GRIP2: variants seen among roughly 807,000 people sequenced by gnomAD.
GRIP2 encodes the protein glutamate receptor interacting protein 2, also known as glutamate receptor-interacting protein 2.
GRIP2 carries 58 observed loss-of-function variants against 108.3 expected under a neutral mutation model. That is an observed-to-expected ratio of 0.54 (90% CI 0.43 to 0.67). The LOEUF (loss-of-function observed/expected upper bound fraction) is 0.67, where lower values mean the gene tolerates loss of function less well. Ranked by LOEUF, GRIP2 falls within the 30% of genes least tolerant of loss-of-function variation. GRIP2 has a pLI of 0.00. For missense variants in GRIP2, 1,278 were observed against 1,430.6 expected, an observed-to-expected ratio of 0.89 and a Z score of 1.72; for synonymous variants, 586 against 598.2, an observed-to-expected ratio of 0.98 and a Z score of 0.30.
Position 14,505,525 on chromosome 3 carries a change from A to G in GRIP2, c.2573+90T>C, listed in dbSNP as rs559201386. ...CCTCAGGAGCCCGCCAAGACTCTCCATTCCCCCACCACTTTGGCACAGGCA... is the reference window on the plus strand; with the variant it reads ...CCTCAGGAGCCCGCCAAGACTCTCCGTTCCCCCACCACTTTGGCACAGGCA... On this transcript the variant is annotated intron_variant, in intron 20 of 23. Transcript: ENST00000621039. The surrounding 1 kb of genome is among the most constrained non-coding windows in gnomAD (Gnocchi z 4.2). 194 of 1,419,148 alleles carry G rather than the reference A, an allele frequency of 1.4e-4. 1 individual carries two copies. In the African/African-American group the frequency reaches 2.6e-3, roughly 19 times the overall value. The allele number at this position is 1,419,148 out of a possible 1,614,324, so 87.9% of individuals were successfully genotyped here. A position where few individuals can be genotyped will look rare whatever the true frequency, so the allele number is the denominator to read the frequency against.
chr3:14,523,672 A>G lies in GRIP2; in HGVS notation c.430T>C (p.Ser144Pro). The part of the protein sequence containing the change: ...PAPENNPRII[S>P]KTVDVSLYKE... The stretch of plus-strand genomic sequence containing the variant: ...TAGAGGGAGACGTCCACTGTCTTTG[A>G]AATGATCCTGGGGTTATTCTCAGGA... The change falls in exon 5 of 24, where the codon TCA becomes CCA. Residue 144 changes from serine to proline, a missense_variant. Physicochemically the swap from Ser to Pro is moderately conservative, Grantham distance 74 (BLOSUM62 -1). Coordinates refer to ENST00000621039, the MANE Select transcript of GRIP2 (RefSeq NM_001080423.4). 1 of 1,611,992 alleles carries G rather than the reference A, an allele frequency of 6.2e-7. No individual in the cohort carries two copies. Among genetic ancestry groups the G allele is most frequent in the Non-Finnish European group, 8.5e-7 (1 of 1,179,142 alleles).
Position 14,513,683 on chromosome 3 carries a change from C to T in GRIP2, c.1621G>A (p.Val541Met). ...AALAHKVVLE[V>M]EFDVAESVIP... The stretch of plus-strand genomic sequence containing the variant: ...CACTCACCCGCCACATCGAACTCCA[C>T]CTCCAGCACGACCTTGTGGGCCAGT... The change falls in exon 13 of 24, where the codon GTG becomes ATG. Residue 541 changes from valine to methionine, a missense_variant. Transcript: ENST00000621039. 6.2e-7 allele frequency: 1 copy of T among 1,610,564 alleles called. No homozygotes were observed. The highest frequency in any genetic ancestry group is 8.5e-7 in the Non-Finnish European group (1 of 1,178,624).
At position 14,491,110 on chromosome 3, in the gene GRIP2, T is replaced by C. The variant is rs1209135991; in HGVS notation, c.*2555A>G. ...AGCAGGTGAGATGTCACCAGACCCA[T>C]ACAGAAGCTGACTCTTGCCAATCCA... On this transcript the variant is annotated 3_prime_UTR_variant, in exon 24 of 24. Coordinates refer to ENST00000621039, the MANE Select transcript of GRIP2 (RefSeq NM_001080423.4). 3.3e-5 allele frequency: 5 copies of C among 152,188 alleles called. No individual in the cohort carries two copies. The highest frequency in any genetic ancestry group is 7.3e-5 in the Non-Finnish European group (5 of 68,038). 9.4% of individuals were successfully genotyped at this position (152,188 alleles called of 1,614,324 possible).
Position 14,525,659 on chromosome 3 carries a change from G to T in GRIP2, c.122-87C>A, listed in dbSNP as rs992868384. 6.6e-6 allele frequency: 10 copies of T among 1,518,334 alleles called. No individual in the cohort carries two copies. In the East Asian group the frequency reaches 1.1e-4, roughly 17 times the overall value. The allele number at this position is 1,518,334 out of a possible 1,614,324, so 94.1% of individuals were successfully genotyped here. ...CTAAGATAAGCGAGGCGAGCACCTG[G>T]TTGGTAGGGCACTCTGCTGCATTGC... On this transcript the variant is annotated intron_variant, in intron 2 of 23. Coordinates refer to ENST00000621039, the MANE Select transcript of GRIP2 (RefSeq NM_001080423.4).
chr3:14,586,539 G>T, the GRIP2 span, among the ~76,000 whole-genome samples: 1 of 152,180 alleles, frequency 6.6e-6, no homozygotes, highest in African/African-American at 2.4e-5. Context: ...TGAATCAAAG[G>T]TGCTGGGGTT....
intron 3 of GRIP2, 67 bp downstream of exon 3, chr3:14,525,370 C>G: frequency 6.4e-7 from 1 of 1,572,064 alleles, no homozygotes; most frequent in South Asian, 1.1e-5. Flanking sequence ...ACATTTTCCA[C>G]TGGCCCTGGG....
the GRIP2 span, among the ~76,000 whole-genome samples, chr3:14,576,764 C>A: frequency 6.6e-6 from 1 of 152,194 alleles, no homozygotes; most frequent in Admixed American, 6.5e-5. Flanking sequence ...CCATTTTGAC[C>A]CCACTGCTAG....
At chr3:14,577,437 G>A in the GRIP2 span, among the ~76,000 whole-genome samples, 2 of 152,162 alleles carry the variant, frequency 1.3e-5, no homozygotes, top group Non-Finnish European at 2.9e-5. Flanking sequence ...ATGCAGTGAT[G>A]GTTTGGCTCC....
upstream of GRIP2, among the ~76,000 whole-genome samples, chr3:14,544,495 C>T (rs77468083): frequency 6.6e-6 from 1 of 152,310 alleles, no homozygotes; most frequent in East Asian, 1.9e-4. Flanking sequence ...AGGCCTCCGT[C>T]CTTCATCTCT....
intron 21 of GRIP2, among the ~76,000 whole-genome samples, chr3:14,497,533 G>A (rs542392610): frequency 5.9e-5 from 9 of 152,168 alleles, no homozygotes; most frequent in South Asian, 4.1e-4. Context: ...CAAACTCGGC[G>A]GCTGGTGGTG....
At chr3:14,595,695 G>A in the GRIP2 span, among the ~76,000 whole-genome samples, 49 of 152,336 alleles carry the variant, frequency 3.2e-4, no homozygotes, top group Admixed American at 1.8e-3. Context: ...CAAGTGGGAT[G>A]GAGATGCACA....
At position 14,519,167 on chromosome 3, in the gene GRIP2, C is replaced by T. The variant is rs531324904; in HGVS notation, c.1030+943G>A. 8.9e-4 allele frequency among the ~76,000 whole-genome samples: 136 copies of T among 152,330 alleles called. 4 individuals are homozygous for T. In the South Asian group the frequency reaches 0.026, roughly 29 times the overall value. ...GTTTCAAGCCCTAATGTCACCCAGACCAGTCCCTGGACTGTGGTTCATTCA... is the reference window on the plus strand; with the variant it reads ...GTTTCAAGCCCTAATGTCACCCAGATCAGTCCCTGGACTGTGGTTCATTCA... On this transcript the variant is annotated intron_variant, in intron 9 of 23. Transcript: ENST00000621039.
the GRIP2 span, among the ~76,000 whole-genome samples, chr3:14,582,541 A>G: frequency 6.6e-6 from 1 of 152,224 alleles, no homozygotes; most frequent in Non-Finnish European, 1.5e-5. Context: ...GGTCTGGAGA[A>G]GAGAGGAAGG....
chr3:14,573,672 C>A, the GRIP2 span: 1 of 1,488,430 alleles, frequency 6.7e-7, no homozygotes, highest in Non-Finnish European at 9.3e-7. Context: ...GGTGTGGTTC[C>A]CGGGGTTGTT....
the GRIP2 span, among the ~76,000 whole-genome samples, chr3:14,599,013 C>T: frequency 1.3e-5 from 2 of 152,168 alleles, no homozygotes; most frequent in Non-Finnish European, 2.9e-5. Context: ...CTACATCACC[C>T]TGTATTCCTG....
chr3:14,559,867 A>T (rs1695291554), upstream of GRIP2, among the ~76,000 whole-genome samples: 1 of 152,218 alleles, frequency 6.6e-6, no homozygotes, highest in Non-Finnish European at 1.5e-5. Context: ...GCTGCAGGAA[A>T]AGAAATAATG....
intron 10 of GRIP2, 105 bp from the exon 11 acceptor site, chr3:14,517,318 C>G (rs1168924141): frequency 1.3e-5 from 15 of 1,146,720 alleles, no homozygotes; most frequent in Non-Finnish European, 1.7e-5. Context: ...GATGGGGATG[C>G]CTTCCCCCTT....
intron 19 of GRIP2, 104 bp downstream of exon 19, chr3:14,506,697 A>G: frequency 9.1e-7 from 1 of 1,094,556 alleles, no homozygotes; most frequent in Non-Finnish European, 1.2e-6. Flanking sequence ...CCAGGAGAGG[A>G]GCGCAGGAGG....
intron 1 of GRIP2, among the ~76,000 whole-genome samples, chr3:14,547,394 G>A (rs371509394): frequency 1.8e-4 from 28 of 152,312 alleles, no homozygotes; most frequent in African/African-American, 5.5e-4. Flanking sequence ...AGGGCATGAA[G>A]GAGAAGAAAT....
Sources: allele counts gnomAD v4.1 joint callset (sites outside exome capture counted in the v4.1 genomes callset), GRCh38; gene constraint gnomAD v4.1.1; non-coding constraint Gnocchi (gnomAD v3.1); transcripts MANE v1.5; gene names NCBI Gene and HGNC (gene_info 2026-07-23, HGNC 2026-07-21).